The following CLDN16 variants were observed in gnomAD, a reference collection of about 807,000 sequenced individuals.
CLDN16 encodes claudin 16.
CLDN16 carries 13 observed loss-of-function variants against 24.6 expected under a neutral mutation model. The ratio of observed to expected loss-of-function variants is 0.53; its 90% CI spans 0.34 to 0.84. The LOEUF is 0.84. CLDN16 is among the 40% of genes least tolerant of loss of function. The probability of loss-of-function intolerance (pLI) is 0.01; values close to 1 mark genes in which losing one functional copy is unlikely to be tolerated. For missense variants in CLDN16, 298 were observed against 292.7 expected (o/e 1.02, Z -0.13); for synonymous variants, 116 against 106.7 (o/e 1.09, Z -0.54).
the CLDN16 span, among the ~76,000 whole-genome samples, chr3:190,295,079 T>C: frequency 1.3e-5 from 2 of 152,110 alleles, no homozygotes; most frequent in African/African-American, 4.8e-5. Flanking sequence ...ATTTTTACAG[T>C]ATTATAGGCA....
chr3:190,392,329 T>G (rs986621599), intron 1 of CLDN16, among the ~76,000 whole-genome samples: 1 of 151,964 alleles, frequency 6.6e-6, no homozygotes, highest in South Asian at 2.1e-4. Context: ...TCTCTTTCCC[T>G]CCTATATCCT....
chr3:190,368,031 GCAGAGT>G (rs1718060758), intron 1 of CLDN16, among the ~76,000 whole-genome samples: 1 of 151,918 alleles, frequency 6.6e-6, no homozygotes, highest in Non-Finnish European at 1.5e-5. Flanking sequence ...GCTCCTGGCT[GCAGAGT>G]GGCATACCTG....
At position 190,328,674 on chromosome 3, in the gene CLDN16, G is replaced by A. The variant is rs527955243; in HGVS notation, n.121+6013G>A. ...CTACATAAGGGAGAGAACATTCTAC[G>A]TAAAAAAAAAAAACAAGATTTTATA... On this transcript the variant is annotated intron_variant and non_coding_transcript_variant, in intron 1 of 4. Transcript: ENST00000468220. Among the ~76,000 whole-genome samples, 570 of 145,014 alleles carry A rather than the reference G, an allele frequency of 3.9e-3. 5 individuals carry two copies. The highest frequency in any genetic ancestry group is 0.014 in the African/African-American group (542 of 37,964).
At chr3:190,395,039 T>A (rs768660947) in intron 1 of CLDN16, among the ~76,000 whole-genome samples, 56 of 152,226 alleles carry the variant, frequency 3.7e-4, no homozygotes, top group African/African-American at 1.3e-3. Flanking sequence ...TTACTCAACA[T>A]AAATTGTGAT....
At chr3:190,380,436 T>G (rs1170912748) in intron 3 of CLDN16, among the ~76,000 whole-genome samples, 2 of 152,062 alleles carry the variant, frequency 1.3e-5, no homozygotes, top group Admixed American at 1.3e-4. Context: ...TAATATTTAT[T>G]CCTGAGGGAT....
At chr3:190,294,798 T>C in the CLDN16 span, among the ~76,000 whole-genome samples, 1 of 152,102 alleles carries the variant, frequency 6.6e-6, no homozygotes, top group Admixed American at 6.5e-5. Context: ...ATAAACCACA[T>C]GACTTATAAA....
intron 1 of CLDN16, among the ~76,000 whole-genome samples, chr3:190,363,580 A>ATATATATATG (rs2108642968): frequency 7.4e-6 from 1 of 134,890 alleles, no homozygotes; most frequent in Non-Finnish European, 1.6e-5. Context: ...ATATATATAT[A>ATATATATATG]TATATATATA....
At chr3:190,335,344 C>G (rs920288169) in intron 1 of CLDN16, among the ~76,000 whole-genome samples, 3 of 152,016 alleles carry the variant, frequency 2.0e-5, no homozygotes, top group African/African-American at 7.2e-5. Context: ...GCACCTGGCC[C>G]TGAGGATGAA....
At chr3:190,360,747 A>C (rs987399520) in intron 1 of CLDN16, among the ~76,000 whole-genome samples, 1 of 149,846 alleles carries the variant, frequency 6.7e-6, no homozygotes, top group East Asian at 2.0e-4. Flanking sequence ...AGTTTCCTCT[A>C]TTGCCATTTT....
At chr3:190,290,401 G>A in the CLDN16 span, among the ~76,000 whole-genome samples, 2 of 152,174 alleles carry the variant, frequency 1.3e-5, no homozygotes, top group South Asian at 4.1e-4. Context: ...TAAAAGAATG[G>A]CCACTTGTAG....
intron 1 of CLDN16, among the ~76,000 whole-genome samples, chr3:190,329,574 G>A (rs1717139400): frequency 6.6e-6 from 1 of 152,164 alleles, no homozygotes; most frequent in Admixed American, 6.5e-5. Context: ...CCTGTAAGAT[G>A]CAATTTGGCT....
At chr3:190,323,764 C>A (rs563474233) in intron 1 of CLDN16, among the ~76,000 whole-genome samples, 118 of 152,346 alleles carry the variant, frequency 7.7e-4, no homozygotes, top group Admixed American at 2.5e-3. Context: ...CCACCTGGCT[C>A]TCCCTGGATG....
In CLDN16 at chr3:190,409,966, C is replaced by A. The variant is rs776710987; in HGVS notation, c.638C>A (p.Ser213Tyr). 1.2e-6 allele frequency: 2 copies of A among 1,613,998 alleles called. No individual in the cohort carries two copies. The highest frequency in any genetic ancestry group is 1.7e-6 in the Non-Finnish European group (2 of 1,179,954). ...AAAGCCTATTCAGCCGCGGGTGTTT[C>A]CATGGCCAAGTCATACTCAGCCCCT... ...LRKAYSAAGV[S>Y]MAKSYSAPRT... The change falls in exon 5 of 5, where the codon TCC (serine) becomes TAC (tyrosine). Residue 213 changes from serine to tyrosine, a missense_variant. Ser to Tyr is a moderately radical substitution (Grantham distance 144, BLOSUM62 -2). Coordinates refer to ENST00000264734, the MANE Select transcript of CLDN16 (RefSeq NM_006580.4).
chr3:190,348,305 C>G (rs934980053), intron 1 of CLDN16, among the ~76,000 whole-genome samples: 5 of 139,372 alleles, frequency 3.6e-5, no homozygotes, highest in African/African-American at 1.3e-4. Context: ...AAGATGAGAC[C>G]ACAATGTCAA....
At chr3:190,329,126 G>T (rs965722986) in intron 1 of CLDN16, among the ~76,000 whole-genome samples, 4 of 152,116 alleles carry the variant, frequency 2.6e-5, no homozygotes, top group African/African-American at 4.8e-5. Flanking sequence ...GTTATTTTTT[G>T]GGGGGGAGGC....
At chr3:190,349,624 C>G (rs770110462) in intron 1 of CLDN16, among the ~76,000 whole-genome samples, 5 of 152,146 alleles carry the variant, frequency 3.3e-5, no homozygotes, top group Non-Finnish European at 7.3e-5. Context: ...TGTTTCCCAA[C>G]CGTTGACTTG....
chr3:190,363,119 A>G (rs552416034), intron 1 of CLDN16, among the ~76,000 whole-genome samples: 8 of 151,866 alleles, frequency 5.3e-5, no homozygotes, highest in African/African-American at 1.9e-4. Flanking sequence ...AAGGGCACTA[A>G]TTTTTCTCCA....
At chr3:190,391,792 A>G (rs1046488494) in intron 1 of CLDN16, among the ~76,000 whole-genome samples, 3 of 152,192 alleles carry the variant, frequency 2.0e-5, no homozygotes, top group Non-Finnish European at 2.9e-5. Flanking sequence ...AGGAAAGAAA[A>G]TAGCACACAG....
intron 1 of CLDN16, among the ~76,000 whole-genome samples, chr3:190,330,525 A>G (rs1009726512): frequency 1.3e-5 from 2 of 152,146 alleles, no homozygotes; most frequent in Non-Finnish European, 2.9e-5. Flanking sequence ...TATTTGCAAA[A>G]TAAGAATACT....
Sources: gnomAD v4.1 joint callset for allele counts (sites outside exome capture counted in the v4.1 genomes callset) on GRCh38, gnomAD v4.1.1 for gene constraint, MANE v1.5 for transcripts, NCBI Gene and HGNC (gene_info 2026-07-23, HGNC 2026-07-21) for gene names.